N4BP2: variants seen among roughly 807,000 people sequenced by gnomAD.
The protein encoded by N4BP2 is NEDD4-binding protein 2.
Under a neutral mutation model 152.8 loss-of-function variants are expected in N4BP2, and 91 were observed. The ratio of observed to expected loss-of-function variants is 0.60; its 90% CI spans 0.50 to 0.71. The LOEUF is 0.71. Among genes scored for constraint, N4BP2 ranks in the 30% least tolerant of loss-of-function variants. The pLI, the probability that N4BP2 is intolerant of heterozygous loss-of-function variation, is 0.00. For synonymous variants in N4BP2, 646 were observed against 705.3 expected (o/e 0.92, Z 1.33); for missense variants, 1,923 against 2,059.1 (o/e 0.93, Z 1.28).
chr4:40,120,352 T>C lies in N4BP2; in HGVS notation c.2241T>C (p.Asn747=). The C allele has an allele frequency of 1.9e-6, 3 of 1,612,372 alleles. No individual in the cohort carries two copies. The highest frequency in any genetic ancestry group is 2.5e-6 in the Non-Finnish European group (3 of 1,179,620). The change falls in exon 9 of 18, where the codon AAT becomes AAC. Residue 747 remains asparagine, a synonymous_variant. Coordinates refer to ENST00000261435, the MANE Select transcript of N4BP2 (RefSeq NM_018177.6). The part of the protein sequence containing the change: ...CDLANSGPLQ[N]EKSSPGEIVE... Reference sequence around the variant, plus strand: ...TTGCAAATAGTGGACCACTTCAAAATGAAAAATCCTCACCTGGTGAAATAG... The same window carrying C: ...TTGCAAATAGTGGACCACTTCAAAACGAAAAATCCTCACCTGGTGAAATAG...
chr4:40,172,761 T>C, the N4BP2 span, among the ~76,000 whole-genome samples: 24 of 152,358 alleles, frequency 1.6e-4, no homozygotes, highest in Admixed American at 1.2e-3. Context: ...GTTGGATCAG[T>C]TCAACTCAGC....
Position 40,120,992 on chromosome 4 carries a change from C to G in N4BP2, c.2881C>G (p.Gln961Glu). Residue 961 changes from glutamine to glutamate, a missense_variant, in exon 9 of 18, where the codon CAG becomes GAG. By Grantham distance (29) the Gln-to-Glu change is conservative. Coordinates refer to ENST00000261435, the MANE Select transcript of N4BP2 (RefSeq NM_018177.6). ...GCTCAGTGAAATGACCTGTGAGAGT[C>G]AGACTTGTCTAAGTAAAAAGAGTCA... The part of the protein sequence containing the change: ...MLLSEMTCES[Q>E]TCLSKKSHGQ... 1.2e-6 allele frequency: 2 copies of G among 1,614,110 alleles called. No individual in the cohort carries two copies. Among genetic ancestry groups the G allele is most frequent in the South Asian group, 2.2e-5 (2 of 91,080 alleles).
chr4:40,133,406 G>C (rs1288006157), intron 13 of N4BP2, among the ~76,000 whole-genome samples: 2 of 152,020 alleles, frequency 1.3e-5, no homozygotes, highest in African/African-American at 2.4e-5. Flanking sequence ...CACCATCGTG[G>C]CTCACTGCAG....
At chr4:40,111,669 G>T (rs150644562) in intron 5 of N4BP2, among the ~76,000 whole-genome samples, 2 of 151,922 alleles carry the variant, frequency 1.3e-5, no homozygotes, top group East Asian at 3.9e-4. Context: ...AGGCTGGAGT[G>T]CAGTGGCCTG....
chr4:40,112,327 A>G (rs561087725), intron 6 of N4BP2, among the ~76,000 whole-genome samples, 155 bp downstream of exon 6: 1 of 152,330 alleles, frequency 6.6e-6, no homozygotes, highest in Non-Finnish European at 1.5e-5. Flanking sequence ...TGAGGAAATT[A>G]GGCCATTTAG....
intron 3 of N4BP2, among the ~76,000 whole-genome samples, chr4:40,098,879 A>G (rs528306915): frequency 3.3e-5 from 5 of 152,280 alleles, no homozygotes; most frequent in African/African-American, 1.2e-4. Context: ...TGAGTGGTGG[A>G]ATTTTGTTAT....
chr4:40,060,053 C>T (rs948453521), intron 1 of N4BP2, among the ~76,000 whole-genome samples: 5 of 151,684 alleles, frequency 3.3e-5, no homozygotes, highest in South Asian at 2.1e-4. Context: ...AGGCTGCTCT[C>T]GAACTCCTGA....
chr4:40,114,536 A>G (rs537705975), intron 7 of N4BP2, among the ~76,000 whole-genome samples: 2 of 152,298 alleles, frequency 1.3e-5, no homozygotes, highest in South Asian at 2.1e-4. Flanking sequence ...AGGCTCATCC[A>G]TGTTGTAGCA....
the N4BP2 span, among the ~76,000 whole-genome samples, chr4:40,190,083 C>T: frequency 3.9e-5 from 6 of 152,168 alleles, no homozygotes; most frequent in African/African-American, 1.2e-4. Flanking sequence ...CCCTTCCTTA[C>T]TTTGCTTTTC....
chr4:40,137,042 A>C lies in N4BP2; in HGVS notation c.4745A>C (p.Asn1582Thr). The C allele has an allele frequency of 1.9e-6, 3 of 1,613,842 alleles. No homozygotes were observed. The highest frequency in any genetic ancestry group is 1.7e-6 in the Non-Finnish European group (2 of 1,179,810). Residue 1582 changes from asparagine to threonine, a missense_variant, in exon 14 of 18, where the codon AAT (asparagine) becomes ACT (threonine). Coordinates refer to ENST00000261435, the MANE Select transcript of N4BP2 (RefSeq NM_018177.6). Reference sequence around the variant, plus strand: ...CAAGAGTTTGTTCACCAAAATGAGAATGTCACATCTCATACTGGCCAGAAG... The same window carrying C: ...CAAGAGTTTGTTCACCAAAATGAGACTGTCACATCTCATACTGGCCAGAAG... ...VAQEFVHQNE[N>T]VTSHTGQKSK...
At position 40,155,960 on chromosome 4, in the gene N4BP2, T is replaced by C. The variant is rs370309556; in HGVS notation, c.*1723T>C. On this transcript the variant is annotated 3_prime_UTR_variant, in exon 18 of 18. Coordinates refer to ENST00000261435, the MANE Select transcript of N4BP2 (RefSeq NM_018177.6). ...GGTATTGAAGTATTATTCACACTTA[T>C]GTTTGTAATAATTTATTTAAAGAAT... The C allele has an allele frequency of 2.0e-5, 3 of 152,352 alleles. No individual in the cohort carries two copies. In the East Asian group the frequency reaches 5.8e-4, roughly 29 times the overall value. The allele number at this position is 152,352 out of a possible 1,614,324, so 9.4% of individuals were successfully genotyped here. A position where few individuals can be genotyped will look rare whatever the true frequency, so the allele number is the denominator to read the frequency against.
chr4:40,114,594 G>A (rs1717187901), intron 7 of N4BP2, among the ~76,000 whole-genome samples: 1 of 151,992 alleles, frequency 6.6e-6, no homozygotes. Flanking sequence ...TACTGAGTTT[G>A]GTTTTCTGAT....
the N4BP2 span, among the ~76,000 whole-genome samples, chr4:40,184,774 G>A: frequency 6.6e-6 from 1 of 152,056 alleles, no homozygotes; most frequent in South Asian, 2.1e-4. Context: ...TGGCCAACAT[G>A]GAGAAACCCC....
chr4:40,119,209 A>G (rs1717625826), intron 8 of N4BP2, among the ~76,000 whole-genome samples: 1 of 152,230 alleles, frequency 6.6e-6, no homozygotes. Flanking sequence ...CAAGGGACTT[A>G]AAGTAGCATC....
chr4:40,102,413 A>AT lies in N4BP2; in HGVS notation c.574dup (p.Ser192PhefsTer10). On this transcript the variant is annotated frameshift_variant, in exon 4 of 18. Coordinates refer to ENST00000261435, the MANE Select transcript of N4BP2 (RefSeq NM_018177.6). LOFTEE classifies it high-confidence loss of function. The stretch of plus-strand genomic sequence containing the variant: ...TCCTGATTCAAGTAATATGACTCCC[A>AT]TTTTTTCTACACAAAATATGAATTT... The AT allele has an allele frequency of 1.9e-6, 3 of 1,611,462 alleles. No homozygotes were observed. Among genetic ancestry groups the AT allele is most frequent in the East Asian group, 2.2e-5 (1 of 44,852 alleles).
intron 11 of N4BP2, 111 bp downstream of exon 11, chr4:40,124,316 G>T (rs1718197166): frequency 1.7e-6 from 1 of 604,060 alleles, no homozygotes; most frequent in Non-Finnish European, 2.8e-6. Context: ...CACAAATTTT[G>T]ATTTGCAAAT....
chr4:40,092,008 TTATATA>T (rs1221314746), intron 2 of N4BP2, among the ~76,000 whole-genome samples: 762 of 27,194 alleles, frequency 0.028, 33 homozygotes, highest in African/African-American at 0.063. Flanking sequence ...AAAAAAAAAA[TTATATA>T]TATATATATA....
Position 40,142,803 on chromosome 4 carries a change from A to C in N4BP2, c.4916A>C (p.Lys1639Thr). ...HQQKRMECYS[K>T]AKEAYRIGKK... is the part of the protein sequence containing the mutation. ...CAGAAGAGGATGGAGTGCTACAGCA[A>C]GGCCAAAGAAGCTTATCGGATAGGG... The change falls in exon 15 of 18, where the codon AAG (lysine) becomes ACG (threonine). Residue 1639 changes from lysine (K) to threonine (T), a missense_variant. Transcript: ENST00000261435. The C allele has an allele frequency of 3.1e-6, 5 of 1,614,194 alleles. No individual in the cohort carries two copies. Among genetic ancestry groups the C allele is most frequent in the Non-Finnish European group, 3.4e-6 (4 of 1,180,032 alleles).
chr4:40,152,486 A>G (rs1292369047), intron 16 of N4BP2, among the ~76,000 whole-genome samples: 1 of 152,194 alleles, frequency 6.6e-6, no homozygotes, highest in African/African-American at 2.4e-5. Context: ...TCATTATTTC[A>G]GGGAGAACTT....
Sources: allele counts gnomAD v4.1 joint callset (sites outside exome capture counted in the v4.1 genomes callset), GRCh38; gene constraint gnomAD v4.1.1; transcripts MANE v1.5; gene names NCBI Gene and HGNC (gene_info 2026-07-23, HGNC 2026-07-21).